Variants in GSE1 observed in about 807,000 individuals in gnomAD.
GSE1 encodes genetic suppressor element 1.
GSE1 carries 32 observed loss-of-function variants against 112.6 expected under a neutral mutation model. The observed-to-expected ratio is 0.28, with a 90% confidence interval of 0.21 to 0.38. The LOEUF is 0.38. Among genes scored for constraint, GSE1 ranks in the 10% least tolerant of loss-of-function variants. GSE1 has a pLI of 1.00. For missense variants in GSE1, 2,348 were observed against 1,699.2 expected (o/e 1.38, Z -6.71); for synonymous variants, 1,115 against 735.6 (o/e 1.52, Z -8.35).
chr16:85,171,117 C>T (rs1450903232), exon 1 of GSE1: 1 of 985,546 alleles, frequency 1.0e-6, no homozygotes, highest in Non-Finnish European at 1.2e-6. Flanking sequence ...GCTGTGAAGT[C>T]CGCAGCTGCC....
At chr16:85,554,212 C>A (rs910636791), upstream of GSE1, among the ~76,000 whole-genome samples, 5 of 152,110 alleles carry the variant, frequency 3.3e-5, no homozygotes, top group Admixed American at 1.3e-4. Flanking sequence ...AATCGCTGGG[C>A]TGGACAATGA....
intron 1 of GSE1, among the ~76,000 whole-genome samples, chr16:85,628,586 G>T (rs1357753025): frequency 6.6e-6 from 1 of 152,192 alleles, no homozygotes; most frequent in African/African-American, 2.4e-5. Flanking sequence ...CTCAGGTTCA[G>T]ACTCCTGCAG....
intron 1 of GSE1, among the ~76,000 whole-genome samples, chr16:85,199,936 A>G (rs1449341697): frequency 1.3e-5 from 2 of 152,044 alleles, no homozygotes; most frequent in Non-Finnish European, 2.9e-5. Flanking sequence ...GATGTGGAGG[A>G]CGAGGGGGAC....
intron 1 of GSE1, among the ~76,000 whole-genome samples, chr16:85,571,021 G>A (rs1376151157): frequency 6.6e-6 from 1 of 152,214 alleles, no homozygotes; most frequent in Non-Finnish European, 1.5e-5. Flanking sequence ...AAGGGAAGGT[G>A]GGGGAGGTGT....
intron 1 of GSE1, among the ~76,000 whole-genome samples, chr16:85,624,658 C>T (rs1200021361): frequency 6.6e-6 from 1 of 152,222 alleles, no homozygotes; most frequent in Non-Finnish European, 1.5e-5. Context: ...TACATGTGAC[C>T]CGGGTTGAGG....
At chr16:85,193,955 T>TTG (rs368291606) in intron 1 of GSE1, among the ~76,000 whole-genome samples, 5 of 151,824 alleles carry the variant, frequency 3.3e-5, no homozygotes, top group South Asian at 4.2e-4. Flanking sequence ...GTACATGCAC[T>TTG]TGTGTGTGTG....
intron 2 of GSE1, among the ~76,000 whole-genome samples, chr16:85,365,616 G>A (rs2047169825): frequency 1.3e-5 from 2 of 152,214 alleles, no homozygotes; most frequent in African/African-American, 4.8e-5. Context: ...CCGTAAGGGT[G>A]CGTCCATGTG....
chr16:85,286,259 G>A (rs1021454000), intron 1 of GSE1, among the ~76,000 whole-genome samples: 8 of 152,244 alleles, frequency 5.3e-5, no homozygotes, highest in Non-Finnish European at 1.0e-4. Context: ...CAGGCGGGTC[G>A]GCCCACGGGC....
intron 1 of GSE1, among the ~76,000 whole-genome samples, chr16:85,352,179 C>G (rs1315988451): frequency 6.6e-6 from 1 of 152,160 alleles, no homozygotes; most frequent in East Asian, 1.9e-4. Context: ...TCCCCTGAGT[C>G]TACCAGGAGT....
intron 1 of GSE1, among the ~76,000 whole-genome samples, chr16:85,245,630 C>T (rs897834621): frequency 2.6e-5 from 4 of 152,180 alleles, no homozygotes; most frequent in African/African-American, 9.7e-5. Context: ...TTACATTAAA[C>T]GTTTTAACTC....
At chr16:85,310,133 C>T (rs1020081836) in intron 1 of GSE1, among the ~76,000 whole-genome samples, 1 of 152,206 alleles carries the variant, frequency 6.6e-6, no homozygotes, top group African/African-American at 2.4e-5. Context: ...GGGCACCACG[C>T]AGGCCTGTGC....
intron 1 of GSE1, among the ~76,000 whole-genome samples, chr16:85,584,107 C>T (rs1310198335): frequency 3.3e-5 from 5 of 152,362 alleles, no homozygotes; most frequent in African/African-American, 1.2e-4. Flanking sequence ...GGCTCGCCAG[C>T]TGCACAGCCC....
chr16:85,300,415 A>G (rs929142730), intron 1 of GSE1, among the ~76,000 whole-genome samples: 2 of 152,048 alleles, frequency 1.3e-5, no homozygotes, highest in Non-Finnish European at 2.9e-5. Flanking sequence ...CCTCTTCCCA[A>G]ACAGAAATTC....
chr16:85,623,833 C>T (rs1269278557), intron 1 of GSE1, among the ~76,000 whole-genome samples: 4 of 152,192 alleles, frequency 2.6e-5, no homozygotes, highest in African/African-American at 9.7e-5. Context: ...GCCCAGGCCA[C>T]TCCTGGCCCC....
chr16:85,475,542 G>C (rs532047931), intron 2 of GSE1, among the ~76,000 whole-genome samples: 2 of 152,218 alleles, frequency 1.3e-5, no homozygotes, highest in Non-Finnish European at 2.9e-5. Context: ...GATTTATCAC[G>C]ATGCTGGCTC....
chr16:85,545,815 C>T (rs1368332960), intron 2 of GSE1, among the ~76,000 whole-genome samples: 1 of 152,184 alleles, frequency 6.6e-6, no homozygotes, highest in South Asian at 2.1e-4. Flanking sequence ...GACAGAGTCT[C>T]ACTGTCGCCC....
At chr16:85,312,206 G>GGA in intron 1 of GSE1, among the ~76,000 whole-genome samples, 1 of 141,396 alleles carries the variant, frequency 7.1e-6, no homozygotes, top group Non-Finnish European at 1.6e-5. Flanking sequence ...TCCTCTTGCG[G>GGA]GGGGGGGGGG....
intron 2 of GSE1, among the ~76,000 whole-genome samples, chr16:85,522,871 T>C (rs1598055822): frequency 1.3e-5 from 2 of 151,804 alleles, no homozygotes; most frequent in Admixed American, 6.6e-5. Flanking sequence ...TGTGTGACTT[T>C]GTTGTGTGCA....
chr16:85,336,435 A>T (rs532109234), intron 1 of GSE1, among the ~76,000 whole-genome samples: 1 of 152,162 alleles, frequency 6.6e-6, no homozygotes, highest in East Asian at 1.9e-4. Flanking sequence ...GGCGTTCAGC[A>T]CAGAAGGGGC....
Sources: gnomAD v4.1 joint callset for allele counts (sites outside exome capture counted in the v4.1 genomes callset) on GRCh38, gnomAD v4.1.1 for gene constraint, MANE v1.5 for transcripts, NCBI Gene and HGNC (gene_info 2026-07-23, HGNC 2026-07-21) for gene names.